Variants in CDC27 observed in about 807,000 individuals in gnomAD.
The protein encoded by CDC27 is cell division cycle protein 27 homolog.
CDC27 carries 27 observed loss-of-function variants against 109.7 expected under a neutral mutation model. The observed-to-expected ratio is 0.25, with a 90% CI of 0.18 to 0.34. The LOEUF (loss-of-function observed/expected upper bound fraction) is 0.34, where lower values mean the gene tolerates loss of function less well. Among genes scored for constraint, CDC27 ranks in the 10% least tolerant of loss-of-function variants. The pLI, the probability that CDC27 is intolerant of heterozygous loss-of-function variation, is 1.00. For synonymous variants in CDC27, 266 were observed against 333.9 expected (o/e 0.80, Z 2.22); for missense variants, 579 against 960.2 (o/e 0.60, Z 5.25).
intron 9 of CDC27, among the ~76,000 whole-genome samples, chr17:47,150,437 T>C (rs1316997420): frequency 6.6e-6 from 1 of 152,076 alleles, no homozygotes; most frequent in African/African-American, 2.4e-5. Flanking sequence ...GAAACACACA[T>C]GGAAGATGAC....
Position 47,149,607 on chromosome 17 carries a change from C to T in CDC27, c.1070+2199G>A, listed in dbSNP as rs1450569353. 4.0e-5 allele frequency among the ~76,000 whole-genome samples: 6 copies of T among 151,364 alleles called. No homozygotes were observed. The East Asian group carries it at 9.7e-4, about 24-fold the overall frequency. ...AATCTGGATCTATAGAAGGAAAGGG[C>T]ACCAGAAATTGTAGTTATGTGTGTA... On this transcript the variant is annotated intron_variant, in intron 9 of 18. Coordinates refer to ENST00000066544, the MANE Select transcript of CDC27 (RefSeq NM_001256.6).
chr17:47,171,578 A>T (rs2063813437), intron 3 of CDC27, among the ~76,000 whole-genome samples: 1 of 152,230 alleles, frequency 6.6e-6, no homozygotes, highest in South Asian at 2.1e-4. Flanking sequence ...AACACAAGGG[A>T]GCCTTAATCT....
intron 16 of CDC27, among the ~76,000 whole-genome samples, chr17:47,124,927 T>G (rs1198812349): frequency 3.9e-5 from 6 of 152,164 alleles, no homozygotes; most frequent in Admixed American, 3.9e-4. Flanking sequence ...ACATCTTTTT[T>G]TCTTTTTTGA....
chr17:47,123,255 T>C (rs188021170), intron 17 of CDC27, among the ~76,000 whole-genome samples: 22 of 152,296 alleles, frequency 1.4e-4, no homozygotes, highest in Middle Eastern at 3.4e-3. Context: ...ATCAACTCTT[T>C]ACAACTGTCC....
In CDC27 at chr17:47,119,864, C is replaced by T. The variant is rs1250778734; in HGVS notation, c.*1071G>A. 6.6e-6 allele frequency: 1 copy of T among 152,136 alleles called. No homozygotes were observed. The highest frequency in any genetic ancestry group is 2.4e-5 in the African/African-American group (1 of 41,432). The allele number at this position is 152,136 out of a possible 1,614,324, so 9.4% of individuals were successfully genotyped here. ...TTAGTAAATGTTTTGGTGACTCACA[C>T]TACTGAAAAAATCTGAAGCAGAGAG... On this transcript the variant is annotated 3_prime_UTR_variant, in exon 19 of 19. Transcript: ENST00000066544.
chr17:47,124,146 C>G (rs941078172), intron 16 of CDC27, among the ~76,000 whole-genome samples, 186 bp from the exon 17 acceptor site: 2 of 149,138 alleles, frequency 1.3e-5, no homozygotes, highest in Non-Finnish European at 3.0e-5. Context: ...ACAATAGGTA[C>G]TAAGAAATGG....
intron 16 of CDC27, among the ~76,000 whole-genome samples, chr17:47,128,143 G>A (rs113668271): frequency 6.6e-6 from 1 of 152,078 alleles, no homozygotes; most frequent in African/African-American, 2.4e-5. Context: ...TGATTCTCGT[G>A]CCTCAGCCTC....
At chr17:47,155,466 G>A (rs901472214) in intron 7 of CDC27, among the ~76,000 whole-genome samples, 4 of 152,032 alleles carry the variant, frequency 2.6e-5, no homozygotes, top group African/African-American at 7.2e-5. Context: ...GACTGGTCTT[G>A]AGCTCCTGGT....
At chr17:47,178,589 A>T (rs1452190299) in intron 2 of CDC27, among the ~76,000 whole-genome samples, 1 of 151,126 alleles carries the variant, frequency 6.6e-6, no homozygotes, top group African/African-American at 2.4e-5. Context: ...TCACTGTATT[A>T]GGATATGTTA....
Position 47,187,156 on chromosome 17 carries a change from G to A in CDC27, c.27+1990C>T, listed in dbSNP as rs114471521. ...AAAATCTAATGGACAATGCTGCTAT[G>A]AAAAAGAAGCAAATTTGACATTTAA... On this transcript the variant is annotated intron_variant, in intron 1 of 18. Transcript: ENST00000066544. Among the ~76,000 whole-genome samples the A allele has an allele frequency of 3.6e-3, 546 of 152,204 alleles. 6 individuals are homozygous for A. Among genetic ancestry groups the A allele is most frequent in the African/African-American group, 0.013 (520 of 41,524 alleles).
At chr17:47,181,422 A>T in intron 2 of CDC27, 140 bp downstream of exon 2, 1 of 494,884 alleles carries the variant, frequency 2.0e-6, no homozygotes, top group East Asian at 3.1e-5. Context: ...ACAGAAAAAA[A>T]GTAAAGATTT....
intron 12 of CDC27, among the ~76,000 whole-genome samples, 199 bp from the exon 13 acceptor site, chr17:47,139,090 A>G (rs939706682): frequency 2.6e-5 from 4 of 152,194 alleles, no homozygotes; most frequent in Admixed American, 2.6e-4. Context: ...ATTGACAGTC[A>G]ACCTAGTATT....
At chr17:47,187,720 TTAAC>T (rs2064499780) in intron 1 of CDC27, among the ~76,000 whole-genome samples, 1 of 151,886 alleles carries the variant, frequency 6.6e-6, no homozygotes, top group East Asian at 1.9e-4. Context: ...AAAAAAATCA[TTAAC>T]TATTAAAACA....
At chr17:47,186,993 CTGATCAT>C (rs2064463707) in intron 1 of CDC27, among the ~76,000 whole-genome samples, 2 of 152,100 alleles carry the variant, frequency 1.3e-5, no homozygotes, top group Non-Finnish European at 2.9e-5. Context: ...AGCACTATCC[CTGATCAT>C]TGATCTTTAT....
At chr17:47,146,651 T>C (rs1180492005) in intron 9 of CDC27, among the ~76,000 whole-genome samples, 4 of 152,220 alleles carry the variant, frequency 2.6e-5, no homozygotes, top group African/African-American at 2.4e-5. Context: ...TACTTTTGTC[T>C]GGACAAAATT....
At chr17:47,178,462 G>A (rs2064098680) in intron 2 of CDC27, among the ~76,000 whole-genome samples, 2 of 151,230 alleles carry the variant, frequency 1.3e-5, no homozygotes, top group South Asian at 4.2e-4. Context: ...TTGGGCCTGG[G>A]AGGTCAAGGC....
At chr17:47,178,125 A>C (rs1336161794) in intron 2 of CDC27, among the ~76,000 whole-genome samples, 2 of 152,286 alleles carry the variant, frequency 1.3e-5, no homozygotes, top group East Asian at 3.9e-4. Flanking sequence ...CAAAACAGCA[A>C]ATCTCAACTC....
intron 17 of CDC27, among the ~76,000 whole-genome samples, chr17:47,123,215 T>G (rs527397214): frequency 2.0e-5 from 3 of 152,230 alleles, no homozygotes; most frequent in Admixed American, 2.0e-4. Context: ...TTAATTAACT[T>G]TCATTTACAG....
intron 12 of CDC27, among the ~76,000 whole-genome samples, chr17:47,141,556 A>C (rs961899092): frequency 6.6e-6 from 1 of 152,186 alleles, no homozygotes; most frequent in Non-Finnish European, 1.5e-5. Context: ...ATCCTATTAC[A>C]TGGTAAATAT....
Sources: allele counts gnomAD v4.1 joint callset (sites outside exome capture counted in the v4.1 genomes callset), GRCh38; gene constraint gnomAD v4.1.1; transcripts MANE v1.5; gene names NCBI Gene and HGNC (gene_info 2026-07-23, HGNC 2026-07-21).